The following SOX5 variants were observed in gnomAD, a reference collection of about 807,000 sequenced individuals.
SOX5 encodes the protein SRY-box transcription factor 5.
A neutral mutation model predicts 92.0 loss-of-function variants in SOX5; 9 were observed. The observed-to-expected ratio is 0.10, with a 90% CI of 0.06 to 0.17. The LOEUF is 0.17. Ranked by LOEUF, SOX5 falls within the 10% of genes least tolerant of loss-of-function variation. The pLI, the probability that SOX5 is intolerant of heterozygous loss-of-function variation, is 1.00. For synonymous variants in SOX5, 344 were observed against 336.3 expected (o/e 1.02, Z -0.25); for missense variants, 642 against 944.5 (o/e 0.68, Z 4.20).
chr12:23,831,957 TACAC>T (rs61053165), intron 3 of SOX5, among the ~76,000 whole-genome samples: 22 of 142,786 alleles, frequency 1.5e-4, no homozygotes, highest in Admixed American at 4.3e-4. Flanking sequence ...AAAGGGGAAC[TACAC>T]ACACACACAC....
At chr12:23,669,082 G>T (rs2084334868) in intron 6 of SOX5, among the ~76,000 whole-genome samples, 1 of 152,048 alleles carries the variant, frequency 6.6e-6, no homozygotes, top group Admixed American at 6.6e-5. Flanking sequence ...AGTAGAATAT[G>T]CAGTCTGTGG....
intron 1 of SOX5, among the ~76,000 whole-genome samples, chr12:24,522,665 A>C (rs1950363115): frequency 6.6e-6 from 1 of 152,200 alleles, no homozygotes; most frequent in African/African-American, 2.4e-5. Flanking sequence ...GAATGAATAA[A>C]AATCACATGA....
intron 1 of SOX5, among the ~76,000 whole-genome samples, chr12:24,450,259 TA>T (rs1209258182): frequency 6.6e-6 from 1 of 152,202 alleles, no homozygotes; most frequent in Non-Finnish European, 1.5e-5. Context: ...CCACAGTAAG[TA>T]ATGTGTGGGG....
intron 1 of SOX5, among the ~76,000 whole-genome samples, chr12:24,429,274 C>G (rs372876494): frequency 2.0e-3 from 296 of 151,744 alleles, no homozygotes; most frequent in African/African-American, 6.0e-3. Flanking sequence ...CCAAGACTGC[C>G]CCACTGCACT....
At chr12:23,572,771 T>G (rs7972005) in intron 10 of SOX5, among the ~76,000 whole-genome samples, 45,202 of 152,010 alleles carry the variant, frequency 0.3, 6,854 homozygotes, top group Admixed American at 0.36. Flanking sequence ...AATCTAATCT[T>G]GGAGCTCATT....
intron 3 of SOX5, among the ~76,000 whole-genome samples, chr12:24,228,728 C>T (rs1345714759): frequency 2.0e-5 from 3 of 152,124 alleles, no homozygotes; most frequent in Non-Finnish European, 4.4e-5. Context: ...ACATACATAC[C>T]ATTGAAGCAC....
At chr12:23,636,683 C>T (rs2079290495) in intron 8 of SOX5, among the ~76,000 whole-genome samples, 1 of 152,158 alleles carries the variant, frequency 6.6e-6, no homozygotes, top group Non-Finnish European at 1.5e-5. Flanking sequence ...AAGTAGACAG[C>T]TGTCATTATG....
intron 11 of SOX5, among the ~76,000 whole-genome samples, chr12:23,548,167 T>G (rs1943501422): frequency 6.6e-6 from 1 of 152,032 alleles, no homozygotes; most frequent in Non-Finnish European, 1.5e-5. Context: ...CTACACATTT[T>G]CTAGAGAGTT....
chr12:23,674,156 A>T (rs74507909), intron 6 of SOX5, among the ~76,000 whole-genome samples: 8,431 of 152,106 alleles, frequency 0.055, 300 homozygotes, highest in Non-Finnish European at 0.081. Flanking sequence ...GAAAACTGAT[A>T]AGAAAACAAA....
intron 4 of SOX5, among the ~76,000 whole-genome samples, chr12:24,029,188 G>A (rs1357820197): frequency 6.6e-6 from 1 of 151,966 alleles, no homozygotes; most frequent in Non-Finnish European, 1.5e-5. Flanking sequence ...TTAAATCCGT[G>A]TATTTCCTCA....
intron 2 of SOX5, among the ~76,000 whole-genome samples, chr12:24,288,047 T>A (rs1013574984): frequency 3.9e-5 from 6 of 152,234 alleles, no homozygotes; most frequent in Non-Finnish European, 7.3e-5. Flanking sequence ...ACTCTCTATG[T>A]GCCTTCTTAT....
At chr12:23,909,769 T>C (rs2097331279) in intron 1 of SOX5, among the ~76,000 whole-genome samples, 5 of 152,026 alleles carry the variant, frequency 3.3e-5, no homozygotes, top group Admixed American at 3.3e-4. Context: ...GAAGCCTTGA[T>C]GGAGAAAAGT....
chr12:23,667,393 G>A (rs1050510864), intron 6 of SOX5, among the ~76,000 whole-genome samples: 4 of 152,062 alleles, frequency 2.6e-5, no homozygotes, highest in African/African-American at 9.7e-5. Flanking sequence ...TATTAAATCT[G>A]TGCATTCTAA....
intron 3 of SOX5, among the ~76,000 whole-genome samples, chr12:23,835,648 A>T (rs974375576): frequency 5.3e-5 from 8 of 151,910 alleles, no homozygotes; most frequent in African/African-American, 1.7e-4. Flanking sequence ...ACTACTGATC[A>T]CTACTATTAT....
intron 3 of SOX5, among the ~76,000 whole-genome samples, chr12:24,276,135 A>C (rs2140364152): frequency 6.6e-6 from 1 of 152,108 alleles, no homozygotes; most frequent in African/African-American, 2.4e-5. Context: ...AACCTATAGA[A>C]TTTTTGTTTG....
intron 1 of SOX5, among the ~76,000 whole-genome samples, chr12:24,437,208 T>C (rs761867753): frequency 1.3e-5 from 2 of 152,030 alleles, no homozygotes; most frequent in African/African-American, 2.4e-5. Flanking sequence ...TATTTTGTAA[T>C]AAGCAATGGG....
intron 4 of SOX5, among the ~76,000 whole-genome samples, chr12:24,005,475 T>G (rs968776683): frequency 1.3e-5 from 2 of 152,136 alleles, no homozygotes; most frequent in African/African-American, 4.8e-5. Context: ...CTCAGAGCCT[T>G]TGCATCTACA....
At chr12:24,208,948 G>A (rs1379105211) in intron 4 of SOX5, among the ~76,000 whole-genome samples, 1 of 152,126 alleles carries the variant, frequency 6.6e-6, no homozygotes, top group African/African-American at 2.4e-5. Context: ...AGCAAGATTT[G>A]GCATGACAGA....
intron 3 of SOX5, among the ~76,000 whole-genome samples, chr12:24,247,164 G>C (rs1366658854): frequency 6.6e-6 from 1 of 152,132 alleles, no homozygotes; most frequent in East Asian, 1.9e-4. Flanking sequence ...TGTGCTGTGG[G>C]TAGGGACATC....
Sources: gnomAD v4.1 joint callset for allele counts (sites outside exome capture counted in the v4.1 genomes callset) on GRCh38, gnomAD v4.1.1 for gene constraint, MANE v1.5 for transcripts, NCBI Gene and HGNC (gene_info 2026-07-23, HGNC 2026-07-21) for gene names.